HDAC4: variants seen among roughly 807,000 people sequenced by gnomAD.
HDAC4 encodes histone deacetylase A.
Under a neutral mutation model 135.1 loss-of-function variants are expected in HDAC4, and 16 were observed. The ratio of observed to expected loss-of-function variants is 0.12; its 90% CI spans 0.08 to 0.18. HDAC4 has a LOEUF of 0.18. Ranked by LOEUF, HDAC4 falls within the 10% of genes least tolerant of loss-of-function variation. HDAC4 has a pLI of 1.00. For missense variants in HDAC4, 1,143 were observed against 1,511.8 expected, an observed-to-expected ratio of 0.76 and a Z score of 4.05; for synonymous variants, 685 against 653.4, an observed-to-expected ratio of 1.05 and a Z score of -0.74.
intron 12 of HDAC4, among the ~76,000 whole-genome samples, chr2:239,123,020 GA>G (rs2039826588): frequency 6.6e-6 from 1 of 152,180 alleles, no homozygotes; most frequent in Admixed American, 6.5e-5. Flanking sequence ...GGCATCCTGG[GA>G]AAACACTGTC....
chr2:239,240,247 G>T lies in HDAC4; in HGVS notation c.23-3583C>A, dbSNP rs1294241658. 6.6e-6 allele frequency among the ~76,000 whole-genome samples: 1 copy of T among 152,258 alleles called. No individual in the cohort carries two copies. The highest frequency in any genetic ancestry group is 1.5e-5 in the Non-Finnish European group (1 of 68,056). ...TTGGAACGGACCTAAACAAAGCGTG[G>T]CCAGTGGGGCAAAGAACGTCTGTCA... On this transcript the variant is annotated intron_variant, in intron 2 of 26. Coordinates refer to ENST00000543185, the MANE Select transcript of HDAC4 (RefSeq NM_001378414.1). This position sits in a 1 kb window ranked among gnomAD's most constrained non-coding sequence, Gnocchi z 4.5.
At chr2:239,072,194 C>T (rs1416077730) in intron 22 of HDAC4, among the ~76,000 whole-genome samples, 2 of 152,190 alleles carry the variant, frequency 1.3e-5, no homozygotes, top group Non-Finnish European at 2.9e-5. Flanking sequence ...TTCAAACTGA[C>T]GTTTTATCCT....
chr2:239,110,917 C>T (rs2152796790), intron 14 of HDAC4, among the ~76,000 whole-genome samples: 1 of 152,338 alleles, frequency 6.6e-6, no homozygotes, highest in Middle Eastern at 3.4e-3. Flanking sequence ...CCCCTCCTGC[C>T]TCCTCAGCCG....
In HDAC4 at chr2:239,157,136, G is replaced by A. The variant is rs965539536; in HGVS notation, c.612-363C>T. The stretch of plus-strand genomic sequence containing the variant: ...CTGGCCACTCAGAGAGCCTATCCCC[G>A]GTGGGGAGAGGAAGAGGAAAACAGT... On this transcript the variant is annotated intron_variant, in intron 6 of 26. Transcript: ENST00000543185. 3.9e-5 allele frequency among the ~76,000 whole-genome samples: 6 copies of A among 152,316 alleles called. No individual in the cohort carries two copies. The South Asian group carries it at 8.3e-4, about 21-fold the overall frequency.
chr2:239,317,107 T>C (rs1032087434), intron 2 of HDAC4, among the ~76,000 whole-genome samples: 1 of 152,048 alleles, frequency 6.6e-6, no homozygotes, highest in African/African-American at 2.4e-5. Flanking sequence ...GGACTCTAGT[T>C]GGGGGTTTCT....
chr2:239,154,073 C>T (rs2042275904), intron 7 of HDAC4, among the ~76,000 whole-genome samples: 2 of 152,320 alleles, frequency 1.3e-5, no homozygotes, highest in South Asian at 2.1e-4. Context: ...AGGGCTCCCC[C>T]ATCCCTGCTG....
chr2:239,117,262 G>A (rs2039221174), intron 12 of HDAC4, among the ~76,000 whole-genome samples: 1 of 152,190 alleles, frequency 6.6e-6, no homozygotes, highest in Admixed American at 6.5e-5. Flanking sequence ...CTGAAAACAA[G>A]CAGGTGCACG....
intron 2 of HDAC4, among the ~76,000 whole-genome samples, chr2:239,272,623 C>G (rs1300377532): frequency 2.0e-5 from 3 of 152,260 alleles, no homozygotes; most frequent in Non-Finnish European, 2.9e-5. Context: ...ATGTCACTTT[C>G]TATCCACAAG....
intron 18 of HDAC4, among the ~76,000 whole-genome samples, chr2:239,088,478 T>G (rs1347429753): frequency 6.6e-6 from 1 of 152,264 alleles, no homozygotes; most frequent in Non-Finnish European, 1.5e-5. Flanking sequence ...GAGTGTAGGC[T>G]GCAGACCCCT....
chr2:239,106,576 C>A (rs563461626), intron 15 of HDAC4, among the ~76,000 whole-genome samples: 260 of 152,296 alleles, frequency 1.7e-3, no homozygotes, highest in Middle Eastern at 3.4e-3. Context: ...CTCCTCCCCG[C>A]CTTCCTCCTC....
chr2:239,122,755 C>T (rs76019712), intron 12 of HDAC4, among the ~76,000 whole-genome samples: 5,243 of 152,332 alleles, frequency 0.034, 236 homozygotes, highest in African/African-American at 0.11. Context: ...CGGGCCGCCT[C>T]TCTTTCTTTT....
intron 7 of HDAC4, among the ~76,000 whole-genome samples, chr2:239,145,174 G>A (rs3791482): frequency 0.074 from 11,252 of 152,258 alleles, 532 homozygotes; most frequent in East Asian, 0.17. Context: ...AGGGATGTGA[G>A]GCTGGGCCCA....
At chr2:239,073,692 G>C (rs931630835) in intron 22 of HDAC4, among the ~76,000 whole-genome samples, 1 of 152,262 alleles carries the variant, frequency 6.6e-6, no homozygotes, top group African/African-American at 2.4e-5. Flanking sequence ...TGGCGATTTC[G>C]CAAACATGGT....
chr2:239,091,778 G>A (rs2036528718), intron 17 of HDAC4: 1 of 152,122 alleles, frequency 6.6e-6, no homozygotes, highest in Non-Finnish European at 1.5e-5. Flanking sequence ...AGCCAGATGT[G>A]GGCCGGGCGC....
rs1444724855 is a variant in HDAC4 at position 239,139,505 on chromosome 2, G to A, written c.978+179C>T. Reference sequence around the variant, plus strand: ...ATGAAAGGAGATGTCTGTGATGAGAGGAAGGCAGGAGAGTAACCTCCAACT... The same window carrying A: ...ATGAAAGGAGATGTCTGTGATGAGAAGAAGGCAGGAGAGTAACCTCCAACT... On this transcript the variant is annotated intron_variant, in intron 9 of 26. Coordinates refer to ENST00000543185, the MANE Select transcript of HDAC4 (RefSeq NM_001378414.1). The surrounding 1 kb of genome is among the most constrained non-coding windows in gnomAD (Gnocchi z 5.3). 1.1e-4 allele frequency among the ~76,000 whole-genome samples: 17 copies of A among 152,250 alleles called. No homozygotes were observed. The highest frequency in any genetic ancestry group is 2.5e-4 in the Non-Finnish European group (17 of 68,054).
At position 239,262,691 on chromosome 2, in the gene HDAC4, C is replaced by T. The variant is rs2049444478; in HGVS notation, c.23-26027G>A. ...GGGTGGGCAGGCACCACAAGCGGGACACCCCCAAGGGTGCACACGGCTGAA... is the reference window on the plus strand; with the variant it reads ...GGGTGGGCAGGCACCACAAGCGGGATACCCCCAAGGGTGCACACGGCTGAA... On this transcript the variant is annotated intron_variant, in intron 2 of 26. Coordinates refer to ENST00000543185, the MANE Select transcript of HDAC4 (RefSeq NM_001378414.1). This position sits in a 1 kb window ranked among gnomAD's most constrained non-coding sequence, Gnocchi z 4.1. 6.6e-6 allele frequency among the ~76,000 whole-genome samples: 1 copy of T among 152,164 alleles called. No individual in the cohort carries two copies. The highest frequency in any genetic ancestry group is 1.5e-5 in the Non-Finnish European group (1 of 68,034).
At chr2:239,179,404 C>G (rs1309017255) in intron 4 of HDAC4, among the ~76,000 whole-genome samples, 1 of 152,202 alleles carries the variant, frequency 6.6e-6, no homozygotes, top group Non-Finnish European at 1.5e-5. Flanking sequence ...CCTGCTGGAT[C>G]AGTGGTGGCA....
chr2:239,103,860 G>A (rs998458838), intron 15 of HDAC4, among the ~76,000 whole-genome samples: 1 of 152,274 alleles, frequency 6.6e-6, no homozygotes, highest in Non-Finnish European at 1.5e-5. Flanking sequence ...GCACCTGGGG[G>A]TCCTGTCCAT....
At chr2:239,200,133 G>C (rs571954215) in intron 3 of HDAC4, among the ~76,000 whole-genome samples, 18 of 152,268 alleles carry the variant, frequency 1.2e-4, no homozygotes, top group African/African-American at 4.3e-4. Context: ...CGCTGTTATT[G>C]GGTTGGGACT....
Sources: gnomAD v4.1 joint callset for allele counts (sites outside exome capture counted in the v4.1 genomes callset) on GRCh38, gnomAD v4.1.1 for gene constraint, Gnocchi (gnomAD v3.1) non-coding constraint, MANE v1.5 for transcripts, NCBI Gene and HGNC (gene_info 2026-07-23, HGNC 2026-07-21) for gene names.